The following KIF26B variants were observed in gnomAD, a reference collection of about 807,000 sequenced individuals.
The protein encoded by KIF26B is kinesin-like protein KIF26B.
In KIF26B, 63 loss-of-function variants were observed where a neutral mutation model predicts 151.2. That is an observed-to-expected ratio of 0.42 (90% CI 0.34 to 0.51). The LOEUF is 0.51. Ranked by LOEUF, KIF26B falls within the 20% of genes least tolerant of loss-of-function variation. The pLI, the probability that KIF26B is intolerant of heterozygous loss-of-function variation, is 0.07. For synonymous variants in KIF26B, 1,357 were observed against 1,262.1 expected (o/e 1.08, Z -1.59); for missense variants, 2,813 against 2,913.6 (o/e 0.97, Z 0.79).
intron 2 of KIF26B, among the ~76,000 whole-genome samples, chr1:245,236,179 C>T (rs76281925): frequency 0.012 from 1,878 of 152,258 alleles, 39 homozygotes; most frequent in African/African-American, 0.041. Context: ...CTGCCTGCTT[C>T]GGCCTCCCAA....
chr1:245,430,040 G>A (rs576350584), intron 4 of KIF26B, among the ~76,000 whole-genome samples: 2 of 152,214 alleles, frequency 1.3e-5, no homozygotes, highest in Admixed American at 6.5e-5. Context: ...CTCACTGAAG[G>A]CCAGCAAGCT....
chr1:245,256,193 A>T (rs1670530809), intron 2 of KIF26B, among the ~76,000 whole-genome samples: 1 of 152,056 alleles, frequency 6.6e-6, no homozygotes, highest in Non-Finnish European at 1.5e-5. Context: ...AAAATCTAAG[A>T]TCCTTCTCTT....
At chr1:245,237,671 T>A (rs1289534437) in intron 2 of KIF26B, among the ~76,000 whole-genome samples, 1 of 152,152 alleles carries the variant, frequency 6.6e-6, no homozygotes, top group African/African-American at 2.4e-5. Context: ...ACACTGTCTT[T>A]TGTACAGACT....
At chr1:245,671,033 A>T (rs1558261738) in intron 10 of KIF26B, among the ~76,000 whole-genome samples, 2 of 151,792 alleles carry the variant, frequency 1.3e-5, no homozygotes, top group Non-Finnish European at 2.9e-5. Context: ...CCATCCTTCT[A>T]CTCTCTATGC....
chr1:245,197,732 A>G (rs938504145), intron 2 of KIF26B, among the ~76,000 whole-genome samples: 2 of 152,206 alleles, frequency 1.3e-5, no homozygotes, highest in East Asian at 1.9e-4. Flanking sequence ...CCCCCGGGGA[A>G]GTGTATTTAT....
At chr1:245,219,333 A>G (rs1332723559) in intron 2 of KIF26B, among the ~76,000 whole-genome samples, 1 of 151,506 alleles carries the variant, frequency 6.6e-6, no homozygotes, top group Non-Finnish European at 1.5e-5. Flanking sequence ...GTTAGCCAGG[A>G]TGGTCTCCAT....
intron 2 of KIF26B, among the ~76,000 whole-genome samples, chr1:245,176,166 A>AT (rs1284305994): frequency 6.6e-5 from 10 of 151,852 alleles, no homozygotes; most frequent in African/African-American, 2.4e-4. Flanking sequence ...CGCCCAGCTA[A>AT]TTTTGTATTT....
At chr1:245,508,247 A>G (rs1429551499) in intron 4 of KIF26B, among the ~76,000 whole-genome samples, 1 of 151,968 alleles carries the variant, frequency 6.6e-6, no homozygotes, top group Non-Finnish European at 1.5e-5. Flanking sequence ...TAACTTTTTT[A>G]TTGTTGTTGT....
At chr1:245,403,228 C>A (rs1026062765) in intron 3 of KIF26B, among the ~76,000 whole-genome samples, 1 of 152,162 alleles carries the variant, frequency 6.6e-6, no homozygotes, top group African/African-American at 2.4e-5. Flanking sequence ...CTGCCTCAGC[C>A]TCCCAAGTAG....
At chr1:245,654,727 T>G (rs2044055353) in intron 10 of KIF26B, among the ~76,000 whole-genome samples, 2 of 152,168 alleles carry the variant, frequency 1.3e-5, no homozygotes, top group Non-Finnish European at 2.9e-5. Flanking sequence ...AACCAGACAC[T>G]GGGCACAGCC....
intron 4 of KIF26B, among the ~76,000 whole-genome samples, chr1:245,437,546 C>T (rs541157783): frequency 6.6e-6 from 1 of 152,202 alleles, no homozygotes; most frequent in South Asian, 2.1e-4. Context: ...CCTTTAAACC[C>T]GGGCGTGTGA....
chr1:245,412,895 A>G (rs564000663), intron 3 of KIF26B, among the ~76,000 whole-genome samples: 270 of 152,320 alleles, frequency 1.8e-3, no homozygotes, highest in African/African-American at 5.7e-3. Context: ...GCACATGCAC[A>G]CGTGTCGACA....
At chr1:245,198,927 G>A (rs554263243) in intron 2 of KIF26B, among the ~76,000 whole-genome samples, 186 of 148,246 alleles carry the variant, frequency 1.3e-3, no homozygotes, top group Middle Eastern at 6.8e-3. Flanking sequence ...TGGTGGAAAG[G>A]AAGCCCCTGC....
intron 12 of KIF26B, among the ~76,000 whole-genome samples, chr1:245,693,176 CAGTT>C (rs2044648929): frequency 2.0e-5 from 3 of 152,178 alleles, no homozygotes; most frequent in East Asian, 3.9e-4. Context: ...GGAAGTCTGA[CAGTT>C]AGATGAGCAC....
At chr1:245,379,987 A>AAAAT (rs60861363) in intron 3 of KIF26B, among the ~76,000 whole-genome samples, 1 of 150,946 alleles carries the variant, frequency 6.6e-6, no homozygotes. Context: ...AAAAAAAAAA[A>AAAAT]GTCCTCACCT....
At chr1:245,325,123 AAAAG>A (rs1454186284) in intron 2 of KIF26B, among the ~76,000 whole-genome samples, 2 of 151,830 alleles carry the variant, frequency 1.3e-5, no homozygotes, top group Non-Finnish European at 2.9e-5. Context: ...AAAAAAAGAA[AAAAG>A]AAAGAAAATG....
At chr1:245,168,168 C>G (rs1054332130) in intron 2 of KIF26B, among the ~76,000 whole-genome samples, 3 of 152,208 alleles carry the variant, frequency 2.0e-5, no homozygotes, top group Admixed American at 6.5e-5. Flanking sequence ...ACTCCGTGAA[C>G]CCAGATTCCA....
intron 2 of KIF26B, among the ~76,000 whole-genome samples, chr1:245,184,076 T>C (rs1308456811): frequency 1.4e-5 from 2 of 145,122 alleles, no homozygotes; most frequent in Non-Finnish European, 1.5e-5. Flanking sequence ...TTTTGAGCTT[T>C]CTTAAGTATA....
At chr1:245,369,714 G>A (rs541577674) in intron 3 of KIF26B, among the ~76,000 whole-genome samples, 6 of 152,322 alleles carry the variant, frequency 3.9e-5, no homozygotes, top group Middle Eastern at 3.4e-3. Context: ...TTTGCCTACC[G>A]CGGTTTCTTC....
Sources: allele counts gnomAD v4.1 joint callset (sites outside exome capture counted in the v4.1 genomes callset), GRCh38; gene constraint gnomAD v4.1.1; transcripts MANE v1.5; gene names NCBI Gene and HGNC (gene_info 2026-07-23, HGNC 2026-07-21).